ADAMTS3: variants seen among roughly 807,000 people sequenced by gnomAD.
The protein encoded by ADAMTS3 is A disintegrin and metalloproteinase with thrombospondin motifs 3.
In ADAMTS3, 73 loss-of-function variants were observed where a neutral mutation model predicts 129.0. The ratio of observed to expected loss-of-function variants is 0.57; its 90% CI spans 0.47 to 0.69. The LOEUF (loss-of-function observed/expected upper bound fraction) is 0.69, where lower values mean the gene tolerates loss of function less well. Among genes scored for constraint, ADAMTS3 ranks in the 30% least tolerant of loss-of-function variants. The probability of loss-of-function intolerance (pLI) is 0.00; values close to 1 mark genes in which losing one functional copy is unlikely to be tolerated. For missense variants in ADAMTS3, 1,457 were observed against 1,514.5 expected (o/e 0.96, Z 0.63); for synonymous variants, 477 against 510.8 (o/e 0.93, Z 0.89).
chr4:72,519,870 A>G (rs1282796594), intron 3 of ADAMTS3, among the ~76,000 whole-genome samples: 1 of 151,922 alleles, frequency 6.6e-6, no homozygotes, highest in African/African-American at 2.4e-5. Flanking sequence ...GCTTTGTTCC[A>G]TTGCTGGTGA....
intron 4 of ADAMTS3, among the ~76,000 whole-genome samples, chr4:72,392,925 TTTTTC>T (rs1383965884): frequency 6.6e-6 from 1 of 151,612 alleles, no homozygotes; most frequent in Non-Finnish European, 1.5e-5. Context: ...ATTTTTTTTT[TTTTTC>T]TTTTTTTTTT....
intron 4 of ADAMTS3, among the ~76,000 whole-genome samples, chr4:72,369,260 CA>C (rs1199443994): frequency 6.6e-6 from 1 of 152,144 alleles, no homozygotes; most frequent in Admixed American, 6.5e-5. Flanking sequence ...TACCCAAGAA[CA>C]ACTTTTCAAC....
chr4:72,435,201 T>G (rs562269380), intron 3 of ADAMTS3, among the ~76,000 whole-genome samples: 56 of 151,842 alleles, frequency 3.7e-4, no homozygotes, highest in Non-Finnish European at 6.0e-4. Context: ...GTATGAAAGC[T>G]GATATAAAAA....
intron 2 of ADAMTS3, among the ~76,000 whole-genome samples, chr4:72,564,514 A>T (rs1721977854): frequency 6.6e-6 from 1 of 152,168 alleles, no homozygotes; most frequent in African/African-American, 2.4e-5. Context: ...TCAAACACAC[A>T]GATATATATG....
chr4:72,474,868 T>C (rs1719184250), intron 3 of ADAMTS3, among the ~76,000 whole-genome samples: 1 of 150,862 alleles, frequency 6.6e-6, no homozygotes, highest in Admixed American at 6.6e-5. Flanking sequence ...CTACTAAAAA[T>C]ACAAAAAAAT....
At position 72,312,038 on chromosome 4, in the gene ADAMTS3, C is replaced by T. The variant is rs181788503; in HGVS notation, c.1921+253G>A. 1.2e-3 allele frequency: 482 copies of T among 390,754 alleles called. 1 individual carries two copies. Among genetic ancestry groups the T allele is most frequent in the South Asian group, 8.4e-3 (101 of 11,964 alleles). 24.2% of individuals were successfully genotyped at this position (390,754 alleles called of 1,614,324 possible). A position where few individuals can be genotyped will look rare whatever the true frequency, so the allele number is the denominator to read the frequency against. Reference sequence around the variant, plus strand: ...CAGGAATTCCAACATCTCTCCCAGGCGTTCCTTTCCACTGGTCTTTTCACC... The same window carrying T: ...CAGGAATTCCAACATCTCTCCCAGGTGTTCCTTTCCACTGGTCTTTTCACC... On this transcript the variant is annotated intron_variant, in intron 13 of 21. Transcript: ENST00000286657.
At chr4:72,393,051 G>A (rs756508342) in intron 4 of ADAMTS3, among the ~76,000 whole-genome samples, 17 of 151,582 alleles carry the variant, frequency 1.1e-4, no homozygotes, top group African/African-American at 1.5e-4. Flanking sequence ...TCAGCCTCCC[G>A]AGTAGCTGGG....
intron 12 of ADAMTS3, among the ~76,000 whole-genome samples, chr4:72,313,149 T>C (rs1389249423): frequency 1.3e-5 from 2 of 152,166 alleles, no homozygotes; most frequent in African/African-American, 2.4e-5. Flanking sequence ...TTCAGTTGTT[T>C]TTTTCTTCGT....
At chr4:72,520,934 C>T (rs548468247) in intron 3 of ADAMTS3, among the ~76,000 whole-genome samples, 8 of 152,172 alleles carry the variant, frequency 5.3e-5, no homozygotes, top group East Asian at 3.9e-4. Flanking sequence ...TCTTCTGCAT[C>T]GCTCACGCTG....
chr4:72,488,771 T>C (rs773248677), intron 3 of ADAMTS3, among the ~76,000 whole-genome samples: 15 of 151,940 alleles, frequency 9.9e-5, no homozygotes, highest in Non-Finnish European at 1.5e-4. Context: ...TAGTCATCAA[T>C]ATTTTTTCTT....
chr4:72,516,110 T>C (rs894247661), intron 3 of ADAMTS3, among the ~76,000 whole-genome samples: 12 of 152,304 alleles, frequency 7.9e-5, no homozygotes, highest in Middle Eastern at 3.4e-3. Context: ...TCCCCATTGC[T>C]TGTTTTTCTC....
chr4:72,462,872 T>C (rs1214842070), intron 3 of ADAMTS3, among the ~76,000 whole-genome samples: 4 of 152,034 alleles, frequency 2.6e-5, no homozygotes, highest in Admixed American at 6.6e-5. Flanking sequence ...CAAGTTATTA[T>C]TGAAGAAAGA....
chr4:72,339,572 C>T lies in ADAMTS3; in HGVS notation c.783G>A (p.Leu261=). 1.2e-6 allele frequency: 2 copies of T among 1,613,986 alleles called. No individual in the cohort carries two copies. The highest frequency in any genetic ancestry group is 1.7e-6 in the Non-Finnish European group (2 of 1,179,898). Residue 261 remains leucine, a synonymous_variant, in exon 5 of 22, where the codon CTG becomes CTA. Coordinates refer to ENST00000286657, the MANE Select transcript of ADAMTS3 (RefSeq NM_014243.3). ...GGACCACAGAGTCATCCACTCCCAG[C>T]AGTACCTCGATATTGTAATCGTTTT... ...AGENDYNIEV[L]LGVDDSVVRF...
At chr4:72,452,111 CAAT>C (rs925800652) in intron 3 of ADAMTS3, among the ~76,000 whole-genome samples, 3 of 151,570 alleles carry the variant, frequency 2.0e-5, no homozygotes, top group African/African-American at 7.3e-5. Context: ...ACAACAACAA[CAAT>C]AATAAAAGTT....
intron 3 of ADAMTS3, among the ~76,000 whole-genome samples, chr4:72,530,031 A>ATATATAATATATTATATTTATATATAAT (rs375982827): frequency 3.2e-4 from 1 of 3,092 alleles, no homozygotes; most frequent in East Asian, 0.045. Flanking sequence ...TTTATATATA[A>ATATATAATATATTATATTTATATATAAT]ATATAATATA....
At chr4:72,545,265 G>A (rs903192716) in intron 3 of ADAMTS3, among the ~76,000 whole-genome samples, 1 of 152,130 alleles carries the variant, frequency 6.6e-6, no homozygotes, top group Admixed American at 6.6e-5. Context: ...CAAGGACTAT[G>A]CCAAATCTTC....
chr4:72,312,170 A>G (rs1719256359), intron 13 of ADAMTS3, 121 bp downstream of exon 13: 2 of 1,065,908 alleles, frequency 1.9e-6, no homozygotes, highest in Admixed American at 2.2e-5. Context: ...ACTTACTCCT[A>G]TAAGCACCAA....
intron 4 of ADAMTS3, among the ~76,000 whole-genome samples, chr4:72,369,576 T>C (rs573294777): frequency 1.3e-5 from 2 of 152,036 alleles, no homozygotes; most frequent in East Asian, 3.9e-4. Flanking sequence ...CCAGGCATGG[T>C]AGTGGGAGCC....
At chr4:72,340,768 G>A (rs1016453622) in intron 4 of ADAMTS3, among the ~76,000 whole-genome samples, 4 of 151,776 alleles carry the variant, frequency 2.6e-5, no homozygotes, top group African/African-American at 9.7e-5. Context: ...TATTTTTTGA[G>A]AAAAAAAGTT....
Sources: allele counts gnomAD v4.1 joint callset (sites outside exome capture counted in the v4.1 genomes callset), GRCh38; gene constraint gnomAD v4.1.1; transcripts MANE v1.5; gene names NCBI Gene and HGNC (gene_info 2026-07-23, HGNC 2026-07-21).